The following PTK2 variants were observed in gnomAD, a reference collection of about 807,000 sequenced individuals.
PTK2 encodes protein tyrosine kinase 2.
Under a neutral mutation model 150.1 loss-of-function variants are expected in PTK2, and 45 were observed. The observed-to-expected ratio is 0.30, with a 90% CI of 0.24 to 0.38. The LOEUF is 0.38. Among genes scored for constraint, PTK2 ranks in the 10% least tolerant of loss-of-function variants. PTK2 has a pLI of 1.00. For synonymous variants in PTK2, 432 were observed against 449.2 expected (o/e 0.96, Z 0.48); for missense variants, 919 against 1,307.3 (o/e 0.70, Z 4.58).
chr8:140,811,697 A>C (rs971809292), intron 10 of PTK2, among the ~76,000 whole-genome samples: 1 of 152,216 alleles, frequency 6.6e-6, no homozygotes, highest in Non-Finnish European at 1.5e-5. Context: ...TGAGAGAAAA[A>C]ATAGCCAGAA....
intron 14 of PTK2, among the ~76,000 whole-genome samples, chr8:140,788,710 GA>G (rs1454986050): frequency 6.6e-6 from 1 of 152,046 alleles, no homozygotes; most frequent in Non-Finnish European, 1.5e-5. Context: ...AAATAAACAG[GA>G]ATTGGGTCTT....
chr8:140,938,050 G>A (rs1284413852), intron 1 of PTK2, among the ~76,000 whole-genome samples: 2 of 152,136 alleles, frequency 1.3e-5, no homozygotes, highest in African/African-American at 4.8e-5. Context: ...TATCTAAGAA[G>A]ACAACACAAC....
intron 1 of PTK2, among the ~76,000 whole-genome samples, chr8:140,997,418 T>C (rs2100198203): frequency 6.6e-6 from 1 of 151,994 alleles, no homozygotes; most frequent in Non-Finnish European, 1.5e-5. Flanking sequence ...GTGGATAAAA[T>C]GCTTTCAAAT....
chr8:140,694,903 C>T (rs1182084149), intron 26 of PTK2, among the ~76,000 whole-genome samples: 1 of 152,242 alleles, frequency 6.6e-6, no homozygotes, highest in Non-Finnish European at 1.5e-5. Flanking sequence ...AACCGACACA[C>T]ACTACCTTCC....
At chr8:140,863,728 A>T (rs1346877356) in intron 5 of PTK2, among the ~76,000 whole-genome samples, 1 of 152,228 alleles carries the variant, frequency 6.6e-6, no homozygotes, top group East Asian at 1.9e-4. Context: ...TGATGACAGG[A>T]ATCCTCCACT....
At chr8:140,663,306 G>A (rs187083291) in intron 31 of PTK2, among the ~76,000 whole-genome samples, 2 of 151,628 alleles carry the variant, frequency 1.3e-5, no homozygotes, top group East Asian at 3.9e-4. Context: ...AAGGAAAGTT[G>A]GGAGTTCTCT....
At chr8:140,812,707 A>G (rs1225795267) in intron 10 of PTK2, among the ~76,000 whole-genome samples, 1 of 152,212 alleles carries the variant, frequency 6.6e-6, no homozygotes, top group Non-Finnish European at 1.5e-5. Flanking sequence ...TCAAATGGAA[A>G]ACAGAAAAAA....
chr8:140,888,397 G>C (rs1381576427), intron 3 of PTK2, among the ~76,000 whole-genome samples: 1 of 152,162 alleles, frequency 6.6e-6, no homozygotes, highest in Admixed American at 6.5e-5. Flanking sequence ...GCTATCCCAG[G>C]AAAGGGCTAT....
intron 2 of PTK2, among the ~76,000 whole-genome samples, chr8:140,897,034 A>G (rs780648933): frequency 1.3e-5 from 2 of 152,242 alleles, no homozygotes; most frequent in East Asian, 1.9e-4. Flanking sequence ...AAAGACAACT[A>G]AATTCATAGT....
At chr8:140,737,529 A>T (rs781581355) in intron 21 of PTK2, among the ~76,000 whole-genome samples, 2 of 152,242 alleles carry the variant, frequency 1.3e-5, no homozygotes, top group Non-Finnish European at 2.9e-5. Flanking sequence ...CAAAAAAGGG[A>T]GGAGAATGTT....
chr8:140,889,149 T>C (rs1305780697), intron 3 of PTK2, among the ~76,000 whole-genome samples: 1 of 152,240 alleles, frequency 6.6e-6, no homozygotes, highest in Non-Finnish European at 1.5e-5. Context: ...TTAATCCATT[T>C]GAATAGTTTG....
chr8:140,915,859 G>A (rs921904065), intron 2 of PTK2, among the ~76,000 whole-genome samples: 4 of 152,010 alleles, frequency 2.6e-5, no homozygotes, highest in Admixed American at 6.6e-5. Context: ...CCAAGATCAC[G>A]CCACTGCACT....
intron 2 of PTK2, among the ~76,000 whole-genome samples, chr8:140,911,046 ATT>A (rs10706458): frequency 6.1e-4 from 88 of 143,434 alleles, no homozygotes; most frequent in Non-Finnish European, 6.6e-4. Context: ...GCCCAGCTAA[ATT>A]TTTTTTTTTT....
intron 16 of PTK2, among the ~76,000 whole-genome samples, chr8:140,757,694 T>G (rs1272593336): frequency 2.0e-5 from 3 of 152,224 alleles, no homozygotes; most frequent in Admixed American, 6.5e-5. Context: ...TTCTCTGTTA[T>G]TGTAACTTTA....
intron 1 of PTK2, among the ~76,000 whole-genome samples, chr8:140,997,874 G>C (rs2100198393): frequency 6.6e-6 from 1 of 152,230 alleles, no homozygotes; most frequent in South Asian, 2.1e-4. Flanking sequence ...AGGAGGACCA[G>C]GTTGCAGTGA....
At chr8:140,980,450 G>A (rs554037723) in intron 1 of PTK2, among the ~76,000 whole-genome samples, 42 of 151,886 alleles carry the variant, frequency 2.8e-4, no homozygotes, top group South Asian at 1.5e-3. Context: ...GTGAAACCCC[G>A]TCTCTACTAA....
chr8:140,675,641 A>G (rs1473251675), intron 27 of PTK2, 142 bp from the exon 31 acceptor site: 4 of 641,544 alleles, frequency 6.2e-6, no homozygotes, highest in Non-Finnish European at 1.1e-5. Context: ...GGTTCTGCAT[A>G]AGGTCTCAGT....
chr8:140,962,910 C>T (rs541297756), intron 1 of PTK2, among the ~76,000 whole-genome samples: 3 of 151,854 alleles, frequency 2.0e-5, no homozygotes, highest in African/African-American at 7.2e-5. Flanking sequence ...GCTTCCTCTG[C>T]TTGCCCTTTA....
intron 1 of PTK2, among the ~76,000 whole-genome samples, chr8:140,955,278 C>T (rs1167142553): frequency 3.3e-5 from 5 of 152,142 alleles, no homozygotes; most frequent in East Asian, 1.9e-4. Context: ...AGGTCTTTCC[C>T]GTGTTCTTCT....
Sources: allele counts gnomAD v4.1 joint callset (sites outside exome capture counted in the v4.1 genomes callset), GRCh38; gene constraint gnomAD v4.1.1; transcripts MANE v1.5; gene names NCBI Gene and HGNC (gene_info 2026-07-23, HGNC 2026-07-21).